The following GSK3B variants were observed in gnomAD, a reference collection of about 807,000 sequenced individuals.
GSK3B encodes glycogen synthase kinase-3 beta.
A neutral mutation model predicts 56.4 loss-of-function variants in GSK3B; 15 were observed. That is an observed-to-expected ratio of 0.27 (90% CI 0.18 to 0.41). The LOEUF (loss-of-function observed/expected upper bound fraction) is 0.41, where lower values mean the gene tolerates loss of function less well. Ranked by LOEUF, GSK3B falls within the 10% of genes least tolerant of loss-of-function variation. The pLI, the probability that GSK3B is intolerant of heterozygous loss-of-function variation, is 1.00. For synonymous variants in GSK3B, 181 were observed against 188.9 expected, an observed-to-expected ratio of 0.96 and a Z score of 0.34; for missense variants, 300 against 513.4, an observed-to-expected ratio of 0.58 and a Z score of 4.02.
At chr3:119,954,291 ATAGAATAGAATAG>A (rs2057189467) in intron 2 of GSK3B, among the ~76,000 whole-genome samples, 3 of 139,888 alleles carry the variant, frequency 2.1e-5, no homozygotes, top group Admixed American at 2.1e-4. Flanking sequence ...ATAGAATAGA[ATAGAATAGAATAG>A]AAAAGAAACA....
intron 7 of GSK3B, among the ~76,000 whole-genome samples, chr3:119,878,921 G>A (rs949253605): frequency 6.6e-6 from 1 of 152,156 alleles, no homozygotes; most frequent in African/African-American, 2.4e-5. Context: ...TGAGAAGCAA[G>A]ATTACAAAGG....
At chr3:119,939,301 T>C (rs950026051) in intron 3 of GSK3B, among the ~76,000 whole-genome samples, 1 of 152,092 alleles carries the variant, frequency 6.6e-6, no homozygotes, top group African/African-American at 2.4e-5. Flanking sequence ...AAAGGAGAGA[T>C]GAGTCAAGTA....
intron 1 of GSK3B, among the ~76,000 whole-genome samples, chr3:120,034,192 G>A (rs2058002565): frequency 6.6e-6 from 1 of 152,100 alleles, no homozygotes; most frequent in South Asian, 2.1e-4. Flanking sequence ...TCTTGATGGT[G>A]TTTTGAAGCA....
At chr3:120,008,268 A>C (rs1196875611) in intron 1 of GSK3B, among the ~76,000 whole-genome samples, 1 of 152,246 alleles carries the variant, frequency 6.6e-6, no homozygotes, top group Non-Finnish European at 1.5e-5. Context: ...ATGCTCATGC[A>C]TAGGAAGAAT....
chr3:119,928,301 TAA>T (rs1311428425), intron 3 of GSK3B, among the ~76,000 whole-genome samples: 1 of 151,938 alleles, frequency 6.6e-6, no homozygotes, highest in African/African-American at 2.4e-5. Context: ...ATAGGTAGAA[TAA>T]AGTTATAAAA....
intron 8 of GSK3B, among the ~76,000 whole-genome samples, chr3:119,874,158 G>C (rs968238102): frequency 6.6e-6 from 1 of 152,050 alleles, no homozygotes; most frequent in Non-Finnish European, 1.5e-5. Flanking sequence ...ACTTGCGTTA[G>C]AGAGATATAA....
chr3:119,981,007 T>C (rs1261767750), intron 2 of GSK3B, among the ~76,000 whole-genome samples: 1 of 152,206 alleles, frequency 6.6e-6, no homozygotes, highest in African/African-American at 2.4e-5. Context: ...AATTTAAAAG[T>C]AATTAGGCCT....
rs202114779 is a variant in GSK3B, at chr3:120,093,933, G to A, written c.-499C>T. The A allele has an allele frequency of 8.2e-4, 174 of 213,126 alleles. 1 individual carries two copies. Among genetic ancestry groups the A allele is most frequent in the Middle Eastern group, 4.6e-3 (3 of 650 alleles). The allele number at this position is 213,126 out of a possible 1,614,324, so 13.2% of individuals were successfully genotyped here. A position where few individuals can be genotyped will look rare whatever the true frequency, so the allele number is the denominator to read the frequency against. On this transcript the variant is annotated 5_prime_UTR_variant, in exon 1 of 11. Transcript: ENST00000264235. ...AGAGGGAGGGAGGGGGTGGCTCGGA[G>A]ATGCGACGGGAAACGCTGCAGCTCC...
chr3:119,881,321 T>C (rs1305835725), intron 7 of GSK3B, among the ~76,000 whole-genome samples: 1 of 152,142 alleles, frequency 6.6e-6, no homozygotes, highest in Non-Finnish European at 1.5e-5. Context: ...TAAAATCAAG[T>C]ACAGATTATC....
chr3:119,875,498 GACACACAC>G (rs66880409), intron 8 of GSK3B, among the ~76,000 whole-genome samples: 10,634 of 144,918 alleles, frequency 0.073, 805 homozygotes, highest in African/African-American at 0.2. Flanking sequence ...GGTAACCCGT[GACACACAC>G]ACACACACAC....
At chr3:119,954,513 C>T (rs2057193311) in intron 2 of GSK3B, among the ~76,000 whole-genome samples, 1 of 152,128 alleles carries the variant, frequency 6.6e-6, no homozygotes, top group African/African-American at 2.4e-5. Context: ...TGGTAACTGA[C>T]TTGCCTGTAA....
intron 1 of GSK3B, among the ~76,000 whole-genome samples, chr3:120,010,775 A>G (rs2057771783): frequency 2.6e-5 from 4 of 152,314 alleles, no homozygotes; most frequent in Admixed American, 2.0e-4. Flanking sequence ...TAAATAAATA[A>G]ATAAATAAAT....
intron 8 of GSK3B, chr3:119,866,553 GC>G (rs772279757): frequency 6.5e-6 from 9 of 1,391,444 alleles, no homozygotes; most frequent in Non-Finnish European, 9.2e-6. Flanking sequence ...TTATAGACCT[GC>G]CCTGAAATTT....
chr3:119,994,593 A>G (rs2057597368), intron 2 of GSK3B, among the ~76,000 whole-genome samples: 1 of 152,322 alleles, frequency 6.6e-6, no homozygotes, highest in South Asian at 2.1e-4. Flanking sequence ...TTAACTAGAC[A>G]GACATCATGG....
At chr3:120,062,673 C>G (rs563170552) in intron 1 of GSK3B, among the ~76,000 whole-genome samples, 87 of 152,330 alleles carry the variant, frequency 5.7e-4, no homozygotes, top group African/African-American at 1.6e-3. Flanking sequence ...GAGGTAGTCG[C>G]TGTCCTAGGT....
intron 2 of GSK3B, among the ~76,000 whole-genome samples, chr3:119,973,505 A>C (rs892379744): frequency 1.3e-5 from 2 of 152,284 alleles, no homozygotes; most frequent in South Asian, 4.1e-4. Context: ...TCCTACTGGC[A>C]TATGGTTAGA....
At chr3:119,946,729 T>G (rs887012314) in intron 3 of GSK3B, among the ~76,000 whole-genome samples, 3 of 152,194 alleles carry the variant, frequency 2.0e-5, no homozygotes, top group African/African-American at 7.2e-5. Context: ...TATCCTTTGG[T>G]TTCGCAGAAT....
At chr3:119,892,633 G>T (rs1336266362) in intron 7 of GSK3B, among the ~76,000 whole-genome samples, 1 of 152,088 alleles carries the variant, frequency 6.6e-6, no homozygotes, top group Non-Finnish European at 1.5e-5. Flanking sequence ...CCAGCACCTA[G>T]TAAAAACTGT....
chr3:119,950,692 T>C (rs72969103), intron 2 of GSK3B, among the ~76,000 whole-genome samples: 1,852 of 152,262 alleles, frequency 0.012, 33 homozygotes, highest in African/African-American at 0.042. Flanking sequence ...ACAATACTTA[T>C]AAAACTGAAG....
Sources: allele counts gnomAD v4.1 joint callset (sites outside exome capture counted in the v4.1 genomes callset), GRCh38; gene constraint gnomAD v4.1.1; transcripts MANE v1.5; gene names NCBI Gene and HGNC (gene_info 2026-07-23, HGNC 2026-07-21).